The following SYMPK variants were observed in gnomAD, a reference collection of about 807,000 sequenced individuals.
SYMPK encodes the protein symplekin.
Under a neutral mutation model 136.4 loss-of-function variants are expected in SYMPK, and 49 were observed. The ratio of observed to expected loss-of-function variants is 0.36; its 90% CI spans 0.29 to 0.46. The LOEUF is 0.46. SYMPK is among the 20% of genes least tolerant of loss of function. SYMPK has a pLI of 1.00. For synonymous variants in SYMPK, 766 were observed against 713.0 expected (o/e 1.07, Z -1.19); for missense variants, 1,365 against 1,690.0 (o/e 0.81, Z 3.37).
chr19:45,817,238 T>A (rs1017360327), intron 23 of SYMPK: 57 of 463,286 alleles, frequency 1.2e-4, no homozygotes, highest in Non-Finnish European at 1.9e-4. Context: ...AGGCCCAGGC[T>A]AAGTGCTGCG....
intron 1 of SYMPK, chr19:45,855,113 G>C (rs1971790889): frequency 6.4e-6 from 1 of 155,182 alleles, no homozygotes; most frequent in African/African-American, 2.4e-5. Flanking sequence ...CCTGACCTCA[G>C]GTGTTCCACC....
intron 8 of SYMPK, 45 bp from the exon 9 acceptor site, chr19:45,842,534 G>A: frequency 6.3e-7 from 1 of 1,594,066 alleles, no homozygotes; most frequent in Non-Finnish European, 8.6e-7. Flanking sequence ...AAGATCTCAT[G>A]GCATGCTGCC....
chr19:45,828,821 G>C (rs1453154733), intron 14 of SYMPK, 149 bp downstream of exon 14: 3 of 725,512 alleles, frequency 4.1e-6, no homozygotes, highest in Admixed American at 2.8e-5. Context: ...TGCCTCCAGA[G>C]GGGGAGGAGG....
intron 12 of SYMPK, 95 bp from the exon 13 acceptor site, chr19:45,830,299 A>G: frequency 1.4e-6 from 2 of 1,399,300 alleles, no homozygotes; most frequent in Non-Finnish European, 1.9e-6. Flanking sequence ...GGTAGGCAAC[A>G]GAGATGGCCC....
intron 10 of SYMPK, among the ~76,000 whole-genome samples, chr19:45,837,976 C>G (rs1249837021): frequency 6.6e-6 from 1 of 152,062 alleles, no homozygotes; most frequent in Non-Finnish European, 1.5e-5. Flanking sequence ...CATACCCAGG[C>G]CTGAGGCTCA....
intron 26 of SYMPK, 37 bp downstream of exon 26, chr19:45,815,814 C>T (rs952551479): frequency 6.2e-7 from 1 of 1,604,786 alleles, no homozygotes; most frequent in Non-Finnish European, 8.5e-7. Flanking sequence ...GGCCCAGATC[C>T]GGCTTCTTCC....
At chr19:45,834,932 C>A in intron 11 of SYMPK, 146 bp downstream of exon 11, 1 of 676,896 alleles carries the variant, frequency 1.5e-6, no homozygotes, top group Non-Finnish European at 2.2e-6. Context: ...AACACTGAGC[C>A]ATCTATCTGT....
rs369605672 is a variant in SYMPK, at chr19:45,823,508, C to T, written c.2600-36G>A. The T allele has an allele frequency of 9.5e-5, 152 of 1,597,148 alleles. 2 individuals are homozygous for T. In the South Asian group the frequency reaches 1.4e-3, roughly 15 times the overall value. The stretch of plus-strand genomic sequence containing the variant: ...GCAGCAGGAGGCACCAAGTTGGAGG[C>T]GGAGGGGAGCGTGGGAAAGGGTGGG... On this transcript the variant is annotated intron_variant, in intron 19 of 26. Coordinates refer to ENST00000245934, the MANE Select transcript of SYMPK (RefSeq NM_004819.3).
chr19:45,856,306 C>G (rs928475446), intron 1 of SYMPK, among the ~76,000 whole-genome samples: 13 of 152,022 alleles, frequency 8.6e-5, no homozygotes, highest in African/African-American at 3.1e-4. Context: ...TGCCACTGCA[C>G]TCCAGTCTGG....
At position 45,838,467 on chromosome 19, in the gene SYMPK, A is replaced by G. The variant is rs750067529; in HGVS notation, c.1236T>C (p.Ala412=). ...LQPLLTPDNV[A]NLVLISMVYL... is the part of the protein sequence containing the mutation. Reference sequence around the variant, plus strand: ...GCTCCCCACCCATCCTCACCAGATTAGCCACATTATCAGGCGTCAGCAGAG... The same window carrying G: ...GCTCCCCACCCATCCTCACCAGATTGGCCACATTATCAGGCGTCAGCAGAG... The change falls in exon 10 of 27, where the codon GCT becomes GCC. Residue 412 remains alanine, a synonymous_variant. Coordinates refer to ENST00000245934, the MANE Select transcript of SYMPK (RefSeq NM_004819.3). The G allele has an allele frequency of 2.2e-5, 36 of 1,613,282 alleles. No homozygotes were observed. Among genetic ancestry groups the G allele is most frequent in the Non-Finnish European group, 3.1e-5 (36 of 1,179,534 alleles).
rs1012668469 is a variant in SYMPK at position 45,831,339 on chromosome 19, A to C, written c.1598+45T>G. The C allele has an allele frequency of 2.8e-6, 4 of 1,438,606 alleles. No individual in the cohort carries two copies. In the African/African-American group the frequency reaches 5.7e-5, roughly 21 times the overall value. 89.1% of individuals were successfully genotyped at this position (1,438,606 alleles called of 1,614,324 possible). On this transcript the variant is annotated intron_variant, in intron 12 of 26. Coordinates refer to ENST00000245934, the MANE Select transcript of SYMPK (RefSeq NM_004819.3). ...CACACGAGCTGAGAACCAGACCTTC[A>C]GGGTAGGGCTCCTGTCCTGCCCTAG...
chr19:45,825,025 T>C, intron 18 of SYMPK, 146 bp downstream of exon 18: 3 of 981,340 alleles, frequency 3.1e-6, no homozygotes, highest in Non-Finnish European at 4.5e-6. Flanking sequence ...GCGGACCGCC[T>C]GCAAGCTACA....
At chr19:45,842,107 A>G in intron 9 of SYMPK, 143 bp downstream of exon 9, 1 of 1,348,022 alleles carries the variant, frequency 7.4e-7, no homozygotes, top group South Asian at 1.4e-5. Flanking sequence ...AAGTGCTGGG[A>G]ATACAGGTGT....
Position 45,827,877 on chromosome 19 carries a change from T to C in SYMPK, c.2027A>G (p.Glu676Gly). 6.2e-7 allele frequency: 1 copy of C among 1,613,972 alleles called. No individual in the cohort carries two copies. Among genetic ancestry groups the C allele is most frequent in the South Asian group, 1.1e-5 (1 of 91,086 alleles). ...CTTGCGGACCACCTCCAGGGCACTC[T>C]CTGTGATGAGTGGCGCCTCCAGCAC... ...KVVLEAPLIT[E>G]SALEVVRKYC... is the part of the protein sequence containing the mutation. Residue 676 changes from glutamate (E) to glycine (G), a missense_variant, in exon 15 of 27, where the codon GAG becomes GGG. Physicochemically the swap from Glu to Gly is moderately conservative, Grantham distance 98. This residue lies in a region of SYMPK where 303 missense variants were observed against 326.6 expected (regional missense o/e 0.93). Coordinates refer to ENST00000245934, the MANE Select transcript of SYMPK (RefSeq NM_004819.3).
At chr19:45,825,476 G>T in intron 17 of SYMPK, 145 bp from the exon 18 acceptor site, 1 of 1,016,806 alleles carries the variant, frequency 9.8e-7, no homozygotes, top group Non-Finnish European at 1.4e-6. Context: ...CTAGGGCAGG[G>T]AAATGGCGGG....
Position 45,816,016 on chromosome 19 carries a change from G to A in SYMPK, c.3522C>T (p.Pro1174=), listed in dbSNP as rs915034147. The change falls in exon 26 of 27, where the codon CCC becomes CCT. Residue 1174 remains proline (P), a synonymous_variant. Transcript: ENST00000245934. ...VGAPSSSSPS[P]SPSARPGPPP... ...GCGGGCCTGGCCGGGCCGACGGAGA[G>A]GGAGAGGGGGAGGAAGAGGAGGGGG... 4 of 1,594,692 alleles carry A rather than the reference G, an allele frequency of 2.5e-6. No homozygotes were observed. In the African/African-American group the frequency reaches 5.3e-5, roughly 21 times the overall value.
chr19:45,854,690 G>A (rs1287619085), intron 1 of SYMPK, 183 bp from the exon 2 acceptor site: 11 of 580,144 alleles, frequency 1.9e-5, no homozygotes, highest in Admixed American at 2.9e-5. Context: ...ATATGTGCAC[G>A]GGGCCTGTAA....
intron 5 of SYMPK, among the ~76,000 whole-genome samples, chr19:45,850,045 CAAAACA>C (rs902500368): frequency 2.0e-5 from 3 of 151,022 alleles, no homozygotes; most frequent in Non-Finnish European, 2.9e-5. Context: ...AACTCCATCT[CAAAACA>C]AAAACAAAAA....
intron 1 of SYMPK, chr19:45,855,823 C>T (rs1222163758): frequency 6.6e-6 from 1 of 151,982 alleles, no homozygotes; most frequent in Non-Finnish European, 1.5e-5. Context: ...TGGTGTAACC[C>T]TATCTCTACA....
Sources: allele counts gnomAD v4.1 joint callset (sites outside exome capture counted in the v4.1 genomes callset), GRCh38; gene constraint gnomAD v4.1.1; regional missense constraint gnomAD v4.1.1; transcripts MANE v1.5; gene names NCBI Gene and HGNC (gene_info 2026-07-23, HGNC 2026-07-21).